ST6GALNAC3: variants seen among roughly 807,000 people sequenced by gnomAD.
The protein encoded by ST6GALNAC3 is alpha-N-acetylgalactosaminide alpha-2,6-sialyltransferase 3.
A neutral mutation model predicts 32.7 loss-of-function variants in ST6GALNAC3; 25 were observed. That is an observed-to-expected ratio of 0.76 (90% CI 0.56 to 1.07). The LOEUF (loss-of-function observed/expected upper bound fraction) is 1.07. Ranked by LOEUF, ST6GALNAC3 falls within the 50% of genes least tolerant of loss-of-function variation. ST6GALNAC3 has a pLI of 0.00. For missense variants in ST6GALNAC3, 355 were observed against 382.4 expected, an observed-to-expected ratio of 0.93 and a Z score of 0.60; for synonymous variants, 129 against 133.1, an observed-to-expected ratio of 0.97 and a Z score of 0.21.
chr1:76,404,758 T>C (rs764969857), intron 2 of ST6GALNAC3, among the ~76,000 whole-genome samples: 2 of 152,090 alleles, frequency 1.3e-5, no homozygotes, highest in Non-Finnish European at 2.9e-5. Flanking sequence ...TGTTTCAACA[T>C]TAAAGTAGTA....
intron 1 of ST6GALNAC3, among the ~76,000 whole-genome samples, chr1:76,302,030 ATTCT>A (rs1398474565): frequency 1.3e-5 from 2 of 151,966 alleles, no homozygotes; most frequent in East Asian, 1.9e-4. Flanking sequence ...ACCATTTCTG[ATTCT>A]TTGTTCCCTA....
chr1:76,328,953 G>A (rs1363191555), intron 2 of ST6GALNAC3, among the ~76,000 whole-genome samples: 3 of 151,878 alleles, frequency 2.0e-5, no homozygotes, highest in Admixed American at 2.0e-4. Context: ...ATTTTTTTAG[G>A]GCATGAGTCT....
At chr1:76,351,972 G>A (rs891126781) in intron 2 of ST6GALNAC3, among the ~76,000 whole-genome samples, 1 of 152,128 alleles carries the variant, frequency 6.6e-6, no homozygotes, top group African/African-American at 2.4e-5. Flanking sequence ...TATTATAAAT[G>A]TTTGTGGCCA....
intron 3 of ST6GALNAC3, among the ~76,000 whole-genome samples, chr1:76,566,072 G>A (rs80194341): frequency 0.012 from 1,883 of 152,240 alleles, 38 homozygotes; most frequent in African/African-American, 0.043. Context: ...AAGAAAAGAG[G>A]ACATCTTTGG....
rs1363358618 is a variant in ST6GALNAC3, at chr1:76,629,993, A to C, written c.*1187A>C. 1.0e-6 allele frequency: 1 copy of C among 984,958 alleles called. No individual in the cohort carries two copies. The highest frequency in any genetic ancestry group is 1.2e-6 in the Non-Finnish European group (1 of 829,754). 61.0% of individuals were successfully genotyped at this position (984,958 alleles called of 1,614,324 possible). ...TTATGCCACAATAACAACAATAATAATGTTCTTAATGTCCAAAGTGCTTTG... is the reference window on the plus strand; with the variant it reads ...TTATGCCACAATAACAACAATAATACTGTTCTTAATGTCCAAAGTGCTTTG... On this transcript the variant is annotated 3_prime_UTR_variant, in exon 5 of 5. Transcript: ENST00000328299.
At position 76,139,181 on chromosome 1, in the gene ST6GALNAC3, G is replaced by A. The variant is rs1256624574; in HGVS notation, c.18+64297G>A. 4.6e-5 allele frequency among the ~76,000 whole-genome samples: 7 copies of A among 150,842 alleles called. No individual in the cohort carries two copies. The South Asian group carries it at 1.3e-3, about 27-fold the overall frequency. ...TGCACTCCAGCCTGGGCGACAGAGCGAGACTCCGTCTCAATGGAAAAAAAA... is the reference window on the plus strand; with the variant it reads ...TGCACTCCAGCCTGGGCGACAGAGCAAGACTCCGTCTCAATGGAAAAAAAA... On this transcript the variant is annotated intron_variant, in intron 1 of 4. Transcript: ENST00000328299.
chr1:76,167,132 G>A (rs1009078665), intron 1 of ST6GALNAC3, among the ~76,000 whole-genome samples: 4 of 152,102 alleles, frequency 2.6e-5, no homozygotes, highest in Non-Finnish European at 5.9e-5. Context: ...GTTGGCTGTG[G>A]GTTTGTCATA....
chr1:76,111,542 A>T (rs1180841295), intron 1 of ST6GALNAC3, among the ~76,000 whole-genome samples: 2 of 150,874 alleles, frequency 1.3e-5, no homozygotes, highest in African/African-American at 4.9e-5. Context: ...CAGATAAACA[A>T]GTGAACAAAG....
chr1:76,484,996 T>C (rs1450091183), intron 3 of ST6GALNAC3, among the ~76,000 whole-genome samples: 1 of 152,214 alleles, frequency 6.6e-6, no homozygotes, highest in Non-Finnish European at 1.5e-5. Flanking sequence ...GTAGTTGTCT[T>C]TGGCTCTATT....
chr1:76,093,662 A>G (rs1489056608), intron 1 of ST6GALNAC3, among the ~76,000 whole-genome samples: 2 of 152,214 alleles, frequency 1.3e-5, no homozygotes, highest in Admixed American at 6.5e-5. Context: ...CTGCCTGAAG[A>G]CAGGATATAA....
At chr1:76,293,677 T>G (rs1332390312) in intron 1 of ST6GALNAC3, among the ~76,000 whole-genome samples, 1 of 152,208 alleles carries the variant, frequency 6.6e-6, no homozygotes, top group Non-Finnish European at 1.5e-5. Flanking sequence ...CATATTGTGA[T>G]AGGTTTCCTA....
chr1:76,438,364 C>T (rs1454210473), intron 3 of ST6GALNAC3, among the ~76,000 whole-genome samples: 3 of 152,122 alleles, frequency 2.0e-5, no homozygotes, highest in Non-Finnish European at 4.4e-5. Flanking sequence ...TGGTCTCGAT[C>T]TCCTGACCTT....
intron 3 of ST6GALNAC3, among the ~76,000 whole-genome samples, chr1:76,561,586 C>T (rs192418281): frequency 3.3e-5 from 5 of 152,176 alleles, no homozygotes; most frequent in East Asian, 3.9e-4. Context: ...CACTTCACAC[C>T]GGCTTGATGG....
chr1:76,328,999 A>G (rs1235323702), intron 2 of ST6GALNAC3, among the ~76,000 whole-genome samples: 1 of 152,140 alleles, frequency 6.6e-6, no homozygotes. Flanking sequence ...CCAAACCAGC[A>G]TGATCATTAT....
In ST6GALNAC3 at chr1:76,633,437, G is replaced by A. The variant is rs1007338459; in HGVS notation, c.*4631G>A. 1 of 152,108 alleles carries A rather than the reference G, an allele frequency of 6.6e-6. No individual in the cohort carries two copies. The highest frequency in any genetic ancestry group is 6.6e-5 in the Admixed American group (1 of 15,260). The allele number at this position is 152,108 out of a possible 1,614,324, so 9.4% of individuals were successfully genotyped here. A position where few individuals can be genotyped will look rare whatever the true frequency, so the allele number is the denominator to read the frequency against. ...TGTTTGTTGCTATTGGTAAGGCTAG[G>A]CTATGTTCTGTTATCACAAAATTCT... On this transcript the variant is annotated 3_prime_UTR_variant, in exon 5 of 5. Transcript: ENST00000328299.
intron 1 of ST6GALNAC3, among the ~76,000 whole-genome samples, chr1:76,270,689 T>C (rs916262989): frequency 5.9e-5 from 9 of 151,920 alleles, no homozygotes; most frequent in Non-Finnish European, 1.2e-4. Context: ...CCTCAGTTAA[T>C]GACAGGGCCG....
At chr1:76,237,287 C>CCA (rs1656711266) in intron 1 of ST6GALNAC3, among the ~76,000 whole-genome samples, 4 of 152,144 alleles carry the variant, frequency 2.6e-5, no homozygotes, top group South Asian at 4.1e-4. Flanking sequence ...ATGCCCGCCA[C>CCA]CACGCCGGGC....
intron 2 of ST6GALNAC3, among the ~76,000 whole-genome samples, chr1:76,367,660 T>A (rs1271069237): frequency 6.6e-6 from 1 of 152,138 alleles, no homozygotes; most frequent in African/African-American, 2.4e-5. Flanking sequence ...CAAGCAATGA[T>A]GATATGGCCA....
At chr1:76,240,755 A>T (rs1656915114) in intron 1 of ST6GALNAC3, among the ~76,000 whole-genome samples, 1 of 152,200 alleles carries the variant, frequency 6.6e-6, no homozygotes, top group Non-Finnish European at 1.5e-5. Flanking sequence ...ACAGAAACAA[A>T]ACATTTGGAA....
Sources: allele counts gnomAD v4.1 joint callset (sites outside exome capture counted in the v4.1 genomes callset), GRCh38; gene constraint gnomAD v4.1.1; transcripts MANE v1.5; gene names NCBI Gene and HGNC (gene_info 2026-07-23, HGNC 2026-07-21).